The following DPYD variants were observed in gnomAD, a reference collection of about 807,000 sequenced individuals.
DPYD encodes the protein dihydropyrimidine dehydrogenase [NADP(+)].
In DPYD, 109 loss-of-function variants were observed where a neutral mutation model predicts 116.2. The ratio of observed to expected loss-of-function variants is 0.94; its 90% CI spans 0.80 to 1.10. The LOEUF is 1.10. Ranked by LOEUF, DPYD falls within the 50% of genes least tolerant of loss-of-function variation. The pLI, the probability that DPYD is intolerant of heterozygous loss-of-function variation, is 0.00. For synonymous variants in DPYD, 440 were observed against 432.0 expected (o/e 1.02, Z -0.23); for missense variants, 1,302 against 1,254.5 (o/e 1.04, Z -0.57).
chr1:97,148,559 T>A (rs1441133012), intron 20 of DPYD, among the ~76,000 whole-genome samples: 1 of 152,294 alleles, frequency 6.6e-6, no homozygotes, highest in East Asian at 1.9e-4. Context: ...TTTTGAAGTT[T>A]TTTTCTTTAA....
In DPYD at chr1:97,865,844, AT is replaced by A. The variant is rs150040356; in HGVS notation, c.150+17419del. ...AAACAAGTACCTAAATGAATTGAAA[AT>A]ATCAACACTGGCATATATTTGAAAT... On this transcript the variant is annotated intron_variant, in intron 2 of 22. Transcript: ENST00000370192. Among the ~76,000 whole-genome samples the A allele has an allele frequency of 3.5e-3, 532 of 152,096 alleles. 7 individuals carry two copies. Among genetic ancestry groups the A allele is most frequent in the African/African-American group, 0.012 (515 of 41,532 alleles).
chr1:97,919,662 C>A (rs1330129442), intron 1 of DPYD, among the ~76,000 whole-genome samples: 2 of 152,148 alleles, frequency 1.3e-5, no homozygotes, highest in Non-Finnish European at 2.9e-5. Flanking sequence ...TAGAAAAAGA[C>A]AAGTATCTAT....
chr1:97,403,145 C>T (rs907373956), intron 14 of DPYD, among the ~76,000 whole-genome samples: 14 of 152,036 alleles, frequency 9.2e-5, no homozygotes, highest in African/African-American at 3.4e-4. Context: ...AGTACAGAGG[C>T]TCCTTGACTT....
intron 11 of DPYD, among the ~76,000 whole-genome samples, chr1:97,562,478 T>C (rs1652219530): frequency 6.6e-6 from 1 of 152,136 alleles, no homozygotes; most frequent in Non-Finnish European, 1.5e-5. Context: ...TTTAAAGAGC[T>C]TTAGAATTAC....
chr1:97,282,899 C>A (rs572958052), intron 18 of DPYD, among the ~76,000 whole-genome samples: 6 of 152,196 alleles, frequency 3.9e-5, no homozygotes, highest in Admixed American at 3.3e-4. Flanking sequence ...CATGATTTCA[C>A]TTTCATATGC....
At chr1:97,405,456 T>C (rs1373124613) in intron 14 of DPYD, among the ~76,000 whole-genome samples, 11 of 152,172 alleles carry the variant, frequency 7.2e-5, no homozygotes, top group African/African-American at 2.2e-4. Flanking sequence ...TTTTGCAGAG[T>C]ATATAATTCT....
intron 8 of DPYD, among the ~76,000 whole-genome samples, chr1:97,622,703 T>C (rs1430447956): frequency 6.6e-6 from 1 of 152,076 alleles, no homozygotes; most frequent in African/African-American, 2.4e-5. Context: ...GTCTCTAAAG[T>C]AACTCTGTAA....
At chr1:97,415,063 A>G (rs766174483) in intron 14 of DPYD, among the ~76,000 whole-genome samples, 14 of 152,200 alleles carry the variant, frequency 9.2e-5, no homozygotes, top group Non-Finnish European at 1.6e-4. Flanking sequence ...TCCTAAAGCT[A>G]TAAAAGAAGA....
chr1:97,738,634 A>T (rs1664091076), intron 4 of DPYD, among the ~76,000 whole-genome samples: 2 of 152,120 alleles, frequency 1.3e-5, no homozygotes, highest in Non-Finnish European at 2.9e-5. Flanking sequence ...TTTAAAGAAC[A>T]ACAGTCTTTG....
chr1:97,365,346 C>A (rs1176056612), intron 16 of DPYD, among the ~76,000 whole-genome samples: 1 of 152,206 alleles, frequency 6.6e-6, no homozygotes, highest in African/African-American at 2.4e-5. Flanking sequence ...CCCTGACAAT[C>A]TCTATTATTC....
At chr1:97,286,572 T>C (rs1441072277) in intron 18 of DPYD, among the ~76,000 whole-genome samples, 2 of 152,206 alleles carry the variant, frequency 1.3e-5, no homozygotes, top group Non-Finnish European at 2.9e-5. Context: ...AGACGTAGAT[T>C]TGGTCGTTTC....
chr1:97,202,323 C>T (rs1284506174), intron 19 of DPYD, among the ~76,000 whole-genome samples: 1 of 152,064 alleles, frequency 6.6e-6, no homozygotes, highest in African/African-American at 2.4e-5. Flanking sequence ...TCCTCTGAAA[C>T]GATAAATTCT....
intron 4 of DPYD, among the ~76,000 whole-genome samples, chr1:97,724,300 GGGGGGGGGTGTGTGTGTGT>G (rs1663095936): frequency 6.6e-5 from 1 of 15,048 alleles, no homozygotes; most frequent in South Asian, 3.1e-3. Flanking sequence ...ATGTGGGGGG[GGGGGGGGGTGTGTGTGTGT>G]GTGTGTGTGT....
At chr1:97,540,156 AC>A (rs11334243) in intron 12 of DPYD, among the ~76,000 whole-genome samples, 18,977 of 151,866 alleles carry the variant, frequency 0.12, 1,418 homozygotes, top group African/African-American at 0.21. Flanking sequence ...ACCAGTTCCT[AC>A]AGGTTGAGAG....
chr1:97,878,436 TC>T (rs903788054), intron 2 of DPYD, among the ~76,000 whole-genome samples: 7 of 151,888 alleles, frequency 4.6e-5, no homozygotes, highest in Non-Finnish European at 7.4e-5. Flanking sequence ...TTTATCTCCA[TC>T]CCAGACCCTT....
At chr1:97,479,038 A>G (rs1242945930) in intron 13 of DPYD, among the ~76,000 whole-genome samples, 2 of 152,196 alleles carry the variant, frequency 1.3e-5, no homozygotes, top group Non-Finnish European at 2.9e-5. Context: ...GACTTAAGAG[A>G]GTGTTGTGCT....
At chr1:97,451,168 C>T (rs190011502) in intron 13 of DPYD, among the ~76,000 whole-genome samples, 41 of 152,170 alleles carry the variant, frequency 2.7e-4, no homozygotes, top group Middle Eastern at 3.4e-3. Flanking sequence ...TTAAGAACCA[C>T]CCCATATAAA....
chr1:97,773,772 C>T (rs1200455908), intron 3 of DPYD, among the ~76,000 whole-genome samples: 1 of 152,192 alleles, frequency 6.6e-6, no homozygotes, highest in Non-Finnish European at 1.5e-5. Context: ...GGAAGACCAC[C>T]TTCCTACTCC....
chr1:97,873,736 A>ATTCTCTTCCAAAGAGAATACAAAGTTGG (rs1671772330), intron 2 of DPYD, among the ~76,000 whole-genome samples: 2 of 151,970 alleles, frequency 1.3e-5, no homozygotes, highest in Non-Finnish European at 2.9e-5. Flanking sequence ...TTGGAAGAGT[A>ATTCTCTTCCAAAGAGAATACAAAGTTGG]AAGTACACAG....
Sources: gnomAD v4.1 joint callset for allele counts (sites outside exome capture counted in the v4.1 genomes callset) on GRCh38, gnomAD v4.1.1 for gene constraint, MANE v1.5 for transcripts, NCBI Gene and HGNC (gene_info 2026-07-23, HGNC 2026-07-21) for gene names.